Variants in SNX29 observed in about 807,000 individuals in gnomAD.
SNX29 encodes the protein sorting nexin-29.
A neutral mutation model predicts 102.1 loss-of-function variants in SNX29; 78 were observed. The observed-to-expected ratio is 0.76, with a 90% CI of 0.64 to 0.92. SNX29 has a LOEUF of 0.92. Ranked by LOEUF, SNX29 falls within the 40% of genes least tolerant of loss-of-function variation. SNX29 has a pLI of 0.00. For synonymous variants in SNX29, 580 were observed against 414.5 expected, an observed-to-expected ratio of 1.40 and a Z score of -4.85; for missense variants, 1,280 against 1,061.7, an observed-to-expected ratio of 1.21 and a Z score of -2.86.
chr16:12,524,592 T>G, intron 19 of SNX29, 110 bp from the exon 20 acceptor site: 1 of 1,272,128 alleles, frequency 7.9e-7, no homozygotes, highest in Non-Finnish European at 1.1e-6. Context: ...AGTTGCTCAA[T>G]CAGTGTTGGT....
chr16:12,572,582 C>A lies in SNX29; in HGVS notation c.*3953C>A, dbSNP rs3803607. On this transcript the variant is annotated 3_prime_UTR_variant, in exon 21 of 21. Coordinates refer to ENST00000566228, the MANE Select transcript of SNX29 (RefSeq NM_032167.5). ...TCACAGGGAGGTCCAGCCATGTTCTCTGGGCTCCCAGTGAGCCCCCTCCCC... is the reference window on the plus strand; with the variant it reads ...TCACAGGGAGGTCCAGCCATGTTCTATGGGCTCCCAGTGAGCCCCCTCCCC... 41 of 1,063,968 alleles carry A rather than the reference C, an allele frequency of 3.9e-5. No homozygotes were observed. Among genetic ancestry groups the A allele is most frequent in the Non-Finnish European group, 4.1e-5 (36 of 878,486 alleles). 65.9% of individuals were successfully genotyped at this position (1,063,968 alleles called of 1,614,324 possible).
chr16:12,539,004 C>T (rs565840635), intron 20 of SNX29, among the ~76,000 whole-genome samples: 188 of 152,282 alleles, frequency 1.2e-3, no homozygotes, highest in African/African-American at 3.4e-3. Context: ...ACCAGTAATT[C>T]GAGCCAAAAC....
At chr16:12,556,952 A>AAGCG (rs1555458165) in intron 20 of SNX29, among the ~76,000 whole-genome samples, 2 of 144,958 alleles carry the variant, frequency 1.4e-5, no homozygotes, top group African/African-American at 5.1e-5. Flanking sequence ...GCTCAGGCTC[A>AAGCG]GTCTTCCCAC....
intron 15 of SNX29, among the ~76,000 whole-genome samples, chr16:12,334,182 T>C (rs541550449): frequency 9.8e-5 from 15 of 152,286 alleles, no homozygotes; most frequent in African/African-American, 3.6e-4. Context: ...AAATGACAAA[T>C]GTTGGTTTAA....
At chr16:12,286,564 C>G (rs1346600150) in intron 15 of SNX29, among the ~76,000 whole-genome samples, 2 of 151,968 alleles carry the variant, frequency 1.3e-5, no homozygotes, top group Non-Finnish European at 2.9e-5. Context: ...CCAGGATGGT[C>G]TCGATCTCCT....
intron 2 of SNX29, among the ~76,000 whole-genome samples, chr16:12,002,622 A>T (rs891856595): frequency 6.6e-6 from 1 of 152,190 alleles, no homozygotes; most frequent in Non-Finnish European, 1.5e-5. Flanking sequence ...GGCTTATAGA[A>T]GTTGTAATTA....
intron 14 of SNX29, among the ~76,000 whole-genome samples, chr16:12,260,218 G>C (rs1267850527): frequency 1.3e-5 from 2 of 152,164 alleles, no homozygotes; most frequent in African/African-American, 4.8e-5. Context: ...GGGTTTCAGG[G>C]ATGATGAGTC....
intron 18 of SNX29, among the ~76,000 whole-genome samples, chr16:12,463,317 GC>G (rs2086896289): frequency 6.6e-6 from 1 of 152,220 alleles, no homozygotes; most frequent in South Asian, 2.1e-4. Flanking sequence ...TTTTCATGCT[GC>G]TGATAAAGAC....
At position 12,448,033 on chromosome 16, in the gene SNX29, G is replaced by A. The variant is rs147872004; in HGVS notation, c.2038-29686G>A. ...GAATGATGATGATGGTGGCGTTCCC[G>A]GGATTGTGCTGATTGTGGATGTATG... On this transcript the variant is annotated intron_variant, in intron 18 of 20. Coordinates refer to ENST00000566228, the MANE Select transcript of SNX29 (RefSeq NM_032167.5). 9.1e-3 allele frequency among the ~76,000 whole-genome samples: 1,381 copies of A among 152,310 alleles called. 28 individuals carry two copies. Among genetic ancestry groups the A allele is most frequent in the African/African-American group, 0.032 (1,314 of 41,558 alleles).
rs188867676 is a variant in SNX29, at chr16:12,386,951, C to T, written c.1900-11495C>T. ...ACTAGCCTGGCTGACATGGTGAAAC[C>T]TCATCTGTACTAAAAATAGAAAAAT... On this transcript the variant is annotated intron_variant, in intron 16 of 20. Coordinates refer to ENST00000566228, the MANE Select transcript of SNX29 (RefSeq NM_032167.5). Among the ~76,000 whole-genome samples, 694 of 152,148 alleles carry T rather than the reference C, an allele frequency of 4.6e-3. 6 individuals are homozygous for T. Among genetic ancestry groups the T allele is most frequent in the African/African-American group, 0.015 (623 of 41,482 alleles).
rs184848590 is a variant in SNX29 at position 12,359,710 on chromosome 16, C to T, written c.1899+3431C>T. On this transcript the variant is annotated intron_variant, in intron 16 of 20. Transcript: ENST00000566228. ...TTTGCTCATACTCTACTCATTACTT[C>T]TCAACTCACATTATTTGGATGTATA... Among the ~76,000 whole-genome samples, 297 of 152,326 alleles carry T rather than the reference C, an allele frequency of 1.9e-3. 2 individuals are homozygous for T. Among genetic ancestry groups the T allele is most frequent in the African/African-American group, 6.8e-3 (282 of 41,572 alleles).
intron 4 of SNX29, among the ~76,000 whole-genome samples, chr16:12,040,238 G>A (rs2049822693): frequency 6.6e-6 from 1 of 152,090 alleles, no homozygotes; most frequent in Non-Finnish European, 1.5e-5. Context: ...AGTTAGCTGG[G>A]CATGGGGGTG....
At chr16:12,561,344 C>G (rs577004927) in intron 20 of SNX29, among the ~76,000 whole-genome samples, 2 of 152,114 alleles carry the variant, frequency 1.3e-5, no homozygotes, top group African/African-American at 4.8e-5. Flanking sequence ...AGTGGTGAGA[C>G]TCACAGACTT....
chr16:12,557,993 T>C (rs1305544067), intron 20 of SNX29, among the ~76,000 whole-genome samples: 1 of 152,080 alleles, frequency 6.6e-6, no homozygotes, highest in Non-Finnish European at 1.5e-5. Flanking sequence ...TTAGCCACGG[T>C]TGGTTGGGCT....
At chr16:12,466,387 T>C (rs1325515852) in intron 18 of SNX29, among the ~76,000 whole-genome samples, 2 of 152,204 alleles carry the variant, frequency 1.3e-5, no homozygotes, top group Non-Finnish European at 2.9e-5. Context: ...AACACAAATT[T>C]AGAAAAGTCC....
intron 4 of SNX29, among the ~76,000 whole-genome samples, chr16:12,030,343 G>A (rs574908072): frequency 5.6e-4 from 85 of 152,226 alleles, no homozygotes; most frequent in African/African-American, 2.0e-3. Flanking sequence ...CGTACAGCAC[G>A]GGCTTGTCAG....
At chr16:12,447,735 C>G (rs1330098865) in intron 18 of SNX29, among the ~76,000 whole-genome samples, 1 of 152,168 alleles carries the variant, frequency 6.6e-6, no homozygotes, top group East Asian at 1.9e-4. Flanking sequence ...TGTTATTTTT[C>G]AAAGCTCTCT....
intron 13 of SNX29, among the ~76,000 whole-genome samples, chr16:12,162,524 G>T (rs961829675): frequency 5.3e-5 from 8 of 152,260 alleles, no homozygotes; most frequent in African/African-American, 1.2e-4. Flanking sequence ...ACATAAATGA[G>T]TGGACATGCC....
intron 8 of SNX29, among the ~76,000 whole-genome samples, chr16:12,061,063 C>A (rs902549934): frequency 6.6e-6 from 1 of 152,202 alleles, no homozygotes; most frequent in African/African-American, 2.4e-5. Context: ...CTTCCCCAAG[C>A]CTTTGTCCCT....
Sources: gnomAD v4.1 joint callset for allele counts (sites outside exome capture counted in the v4.1 genomes callset) on GRCh38, gnomAD v4.1.1 for gene constraint, MANE v1.5 for transcripts, NCBI Gene and HGNC (gene_info 2026-07-23, HGNC 2026-07-21) for gene names.